The following ASPM variants were observed in gnomAD, a reference collection of about 807,000 sequenced individuals.
ASPM encodes assembly factor for spindle microtubules.
In ASPM, 256 loss-of-function variants were observed where a neutral mutation model predicts 366.4. That is an observed-to-expected ratio of 0.70 (90% CI 0.63 to 0.77). ASPM has a LOEUF of 0.77. ASPM is among the 30% of genes least tolerant of loss of function. The pLI is 0.00. For synonymous variants in ASPM, 1,414 were observed against 1,342.9 expected, an observed-to-expected ratio of 1.05 and a Z score of -1.16; for missense variants, 4,146 against 4,090.4, an observed-to-expected ratio of 1.01 and a Z score of -0.37.
rs1176035850 is a variant in ASPM, at chr1:197,142,538, C to T, written c.1714G>A (p.Ala572Thr). ...CTTCCATCGCTCTTTCTTTTCCGAG[C>T]AACTGAAGCTGTTGTCGAAGAGGGT... ...VTPSSTTASV[A>T]RKRKSDGSME... The change falls in exon 3 of 28, where the codon GCT becomes ACT. Residue 572 changes from alanine to threonine, a missense_variant. Ala to Thr is a moderately conservative substitution (Grantham distance 58). Coordinates refer to ENST00000367409, the MANE Select transcript of ASPM (RefSeq NM_018136.5). The T allele has an allele frequency of 3.7e-6, 6 of 1,613,934 alleles. No homozygotes were observed. The Admixed American group carries it at 8.3e-5, about 22-fold the overall frequency.
At chr1:197,086,750 A>T in intron 27 of ASPM, 53 bp downstream of exon 27, 1 of 1,435,282 alleles carries the variant, frequency 7.0e-7, no homozygotes, top group Non-Finnish European at 9.8e-7. Context: ...AATATTTGTT[A>T]AATGAATGAA....
At position 197,103,711 on chromosome 1, in the gene ASPM, A is replaced by C. The variant is rs773935684; in HGVS notation, c.5540T>G (p.Val1847Gly). The change falls in exon 18 of 28, where the codon GTG (valine) becomes GGG (glycine). Residue 1847 changes from valine (V) to glycine (G), a missense_variant. Coordinates refer to ENST00000367409, the MANE Select transcript of ASPM (RefSeq NM_018136.5). ...CTGAATCTTTATTATAGATTGAAGC[A>C]CAGATTGATATTTTACCCTTTTATT... ...GYNKRVKYQS[V>G]LQSIIKIQRW... 1.2e-6 allele frequency: 2 copies of C among 1,612,902 alleles called. No individual in the cohort carries two copies. Among genetic ancestry groups the C allele is most frequent in the Admixed American group, 3.3e-5 (2 of 59,784 alleles).
At position 197,146,311 on chromosome 1, in the gene ASPM, G is replaced by C. The variant is rs751420941; in HGVS notation, c.127C>G (p.His43Asp). 1 of 1,613,982 alleles carries C rather than the reference G, an allele frequency of 6.2e-7. No individual in the cohort carries two copies. Among genetic ancestry groups the C allele is most frequent in the Non-Finnish European group, 8.5e-7 (1 of 1,180,022 alleles). Residue 43 changes from histidine to aspartate, a missense_variant, in exon 1 of 28, where the codon CAC becomes GAC. His to Asp is a moderately conservative substitution (Grantham distance 81, BLOSUM62 -1). Transcript: ENST00000367409. ...ASSPPVLSLS[H>D]FCRSPFLCFG... is the part of the protein sequence containing the mutation. ...CAAAGGAAAGGAGACCTGCAGAAGT[G>C]GCTGAGAGACAGGACCGGCGGGGAA... is the stretch of plus-strand genomic sequence containing the variant.
At chr1:197,091,190 C>T in intron 22 of ASPM, 149 bp from the exon 23 acceptor site, 2 of 741,864 alleles carry the variant, frequency 2.7e-6, no homozygotes, top group Non-Finnish European at 4.3e-6. Flanking sequence ...TTCCCCACTC[C>T]ACTTGGTGCA....
At chr1:197,122,823 A>T (rs996263940) in intron 13 of ASPM, among the ~76,000 whole-genome samples, 11 of 152,196 alleles carry the variant, frequency 7.2e-5, no homozygotes, top group African/African-American at 2.7e-4. Context: ...TTGATTTCAG[A>T]CTTCTAACCT....
At chr1:197,139,515 G>A (rs1658519592) in intron 4 of ASPM, among the ~76,000 whole-genome samples, 1 of 152,160 alleles carries the variant, frequency 6.6e-6, no homozygotes. Context: ...AGAAACATCA[G>A]TTATTCTCTT....
In ASPM at chr1:197,096,058, G is replaced by A. The variant is rs907659080; in HGVS notation, c.8927C>T (p.Ala2976Val). The part of the protein sequence containing the change: ...RCWRAHKEYL[A>V]ILKAVKIIQG... ...AATAATTTTAACAGCTTTTAATATA[G>A]CTAGATATTCTTTGTGTGCTCTCCA... Residue 2976 changes from alanine to valine, a missense_variant, in exon 19 of 28, where the codon GCT (alanine) becomes GTT (valine). By Grantham distance (64) the Ala-to-Val change is moderately conservative (BLOSUM62 0). This residue lies in a region of ASPM where 3,624 missense variants were observed against 3,591.7 expected (regional missense o/e 1.01). Transcript: ENST00000367409. 1.9e-6 allele frequency: 3 copies of A among 1,608,862 alleles called. No individual in the cohort carries two copies. The highest frequency in any genetic ancestry group is 1.7e-6 in the Non-Finnish European group (2 of 1,176,040).
intron 8 of ASPM, among the ~76,000 whole-genome samples, chr1:197,129,581 G>T (rs1175318053): frequency 6.6e-6 from 1 of 152,124 alleles, no homozygotes. Flanking sequence ...AAGAGATTTA[G>T]TTGGTCTTAC....
intron 26 of ASPM, among the ~76,000 whole-genome samples, chr1:197,087,231 C>T (rs1402106136): frequency 6.6e-6 from 1 of 151,986 alleles, no homozygotes; most frequent in African/African-American, 2.4e-5. Flanking sequence ...CCCGCCACCA[C>T]ACCCGGCTAA....
At chr1:197,098,202 T>A (rs773846955) in intron 18 of ASPM, among the ~76,000 whole-genome samples, 24 of 149,974 alleles carry the variant, frequency 1.6e-4, no homozygotes, top group Non-Finnish European at 2.4e-4. Flanking sequence ...TATATATATA[T>A]AAAACATACA....
In ASPM at chr1:197,104,991, T is replaced by C; in HGVS notation, c.4260A>G (p.Leu1420=). The C allele has an allele frequency of 6.2e-7, 1 of 1,611,642 alleles. No individual in the cohort carries two copies. Among genetic ancestry groups the C allele is most frequent in the East Asian group, 2.2e-5 (1 of 44,750 alleles). The change falls in exon 18 of 28, where the codon CTA becomes CTG. Residue 1420 remains leucine (L), a synonymous_variant. Transcript: ENST00000367409. ...ATTGGATTATAAGAGTTGATGATTT[T>C]AGCATTTCATATCTTTGTTGATCTT... ...RKQDQQRYEM[L]KSSTLIIQSM... is the part of the protein sequence containing the mutation.
chr1:197,131,376 T>C (rs2125108436), intron 7 of ASPM, among the ~76,000 whole-genome samples: 1 of 152,262 alleles, frequency 6.6e-6, no homozygotes, highest in East Asian at 1.9e-4. Flanking sequence ...TTAATAAAAA[T>C]GTCTTTAAAC....
intron 7 of ASPM, 64 bp downstream of exon 7, chr1:197,132,221 G>A: frequency 1.6e-6 from 2 of 1,230,432 alleles, no homozygotes; most frequent in Non-Finnish European, 2.3e-6. Flanking sequence ...AATAAAATGA[G>A]TCTATTCTAC....
intron 17 of ASPM, among the ~76,000 whole-genome samples, chr1:197,114,173 C>A (rs574851868): frequency 6.6e-6 from 1 of 152,278 alleles, no homozygotes; most frequent in East Asian, 1.9e-4. Context: ...CACTATACTG[C>A]AGTCTATTAA....
intron 17 of ASPM, among the ~76,000 whole-genome samples, 166 bp from the exon 18 acceptor site, chr1:197,105,351 T>G (rs1018731372): frequency 6.6e-6 from 1 of 152,004 alleles, no homozygotes; most frequent in African/African-American, 2.4e-5. Flanking sequence ...TAGTTTAGGT[T>G]TTACATTGAT....
chr1:197,111,701 A>G (rs1657589645), intron 17 of ASPM, among the ~76,000 whole-genome samples: 1 of 152,180 alleles, frequency 6.6e-6, no homozygotes, highest in Non-Finnish European at 1.5e-5. Flanking sequence ...AGTGGACTGG[A>G]TAAAGAAAAT....
At chr1:197,125,937 C>T (rs938486290) in intron 10 of ASPM, among the ~76,000 whole-genome samples, 2 of 152,130 alleles carry the variant, frequency 1.3e-5, no homozygotes, top group Non-Finnish European at 2.9e-5. Context: ...TGTAGACCAA[C>T]CCATCACCCA....
At chr1:197,123,705 A>G (rs1466381750) in intron 13 of ASPM, among the ~76,000 whole-genome samples, 1 of 152,164 alleles carries the variant, frequency 6.6e-6, no homozygotes, top group Non-Finnish European at 1.5e-5. Context: ...ACAGAAATAC[A>G]GTGTTAACCT....
At chr1:197,132,196 G>T in intron 7 of ASPM, 89 bp downstream of exon 7, 1 of 1,063,358 alleles carries the variant, frequency 9.4e-7, no homozygotes. Context: ...ACTTTTATAA[G>T]TAAAACTACA....
Sources: gnomAD v4.1 joint callset for allele counts (sites outside exome capture counted in the v4.1 genomes callset) on GRCh38, gnomAD v4.1.1 for gene constraint, gnomAD v4.1.1 regional missense constraint, MANE v1.5 for transcripts, NCBI Gene and HGNC (gene_info 2026-07-23, HGNC 2026-07-21) for gene names.